SLC9A9: variants seen among roughly 807,000 people sequenced by gnomAD.
SLC9A9 encodes the protein sodium/hydrogen exchanger 9.
SLC9A9 carries 62 observed loss-of-function variants against 77.8 expected under a neutral mutation model. The ratio of observed to expected loss-of-function variants is 0.80; its 90% CI spans 0.65 to 0.98. SLC9A9 has a LOEUF of 0.98. Among genes scored for constraint, SLC9A9 ranks in the 50% least tolerant of loss-of-function variants. SLC9A9 has a pLI of 0.00. For missense variants in SLC9A9, 775 were observed against 774.9 expected, an observed-to-expected ratio of 1.00 and a Z score of 0.00; for synonymous variants, 320 against 283.5, an observed-to-expected ratio of 1.13 and a Z score of -1.29.
chr3:143,646,633 C>T (rs2038711936), intron 6 of SLC9A9, among the ~76,000 whole-genome samples: 1 of 152,052 alleles, frequency 6.6e-6, no homozygotes, highest in African/African-American at 2.4e-5. Context: ...CAACTTCTTG[C>T]TCAAATCAAT....
At chr3:143,428,620 A>T (rs774810272) in intron 12 of SLC9A9, among the ~76,000 whole-genome samples, 4 of 152,208 alleles carry the variant, frequency 2.6e-5, no homozygotes, top group Non-Finnish European at 4.4e-5. Context: ...AATGTCACAG[A>T]GACATCTGCA....
intron 4 of SLC9A9, among the ~76,000 whole-genome samples, chr3:143,751,799 T>C (rs2108825274): frequency 6.6e-6 from 1 of 152,002 alleles, no homozygotes; most frequent in Middle Eastern, 3.4e-3. Context: ...TGAAAGGAAG[T>C]GAAAGAAAGC....
At chr3:143,551,331 C>T (rs1170266936) in intron 9 of SLC9A9, among the ~76,000 whole-genome samples, 1 of 152,212 alleles carries the variant, frequency 6.6e-6, no homozygotes, top group Non-Finnish European at 1.5e-5. Flanking sequence ...TCCCCATTAC[C>T]TATAGGTTAT....
At chr3:143,401,945 AC>A (rs1482436345) in intron 12 of SLC9A9, among the ~76,000 whole-genome samples, 10 of 152,224 alleles carry the variant, frequency 6.6e-5, no homozygotes, top group African/African-American at 2.4e-4. Flanking sequence ...CTGAAATTCT[AC>A]CCTAGTGAGG....
intron 14 of SLC9A9, among the ~76,000 whole-genome samples, chr3:143,275,237 A>G (rs774222698): frequency 3.3e-5 from 5 of 152,224 alleles, no homozygotes; most frequent in Non-Finnish European, 5.9e-5. Flanking sequence ...GAAAAGTTTA[A>G]TGAACTTGTG....
intron 4 of SLC9A9, among the ~76,000 whole-genome samples, chr3:143,706,199 T>C (rs13097498): frequency 0.13 from 19,887 of 152,150 alleles, 1,432 homozygotes; most frequent in South Asian, 0.19. Flanking sequence ...AGACGAAATA[T>C]GAATAAATAA....
intron 4 of SLC9A9, among the ~76,000 whole-genome samples, chr3:143,784,117 C>CA (rs1424849538): frequency 6.6e-6 from 1 of 152,218 alleles, no homozygotes; most frequent in Non-Finnish European, 1.5e-5. Flanking sequence ...ACATTCTCTG[C>CA]ATCACTAATG....
intron 2 of SLC9A9, among the ~76,000 whole-genome samples, chr3:143,799,925 G>A (rs2008503619): frequency 6.6e-6 from 1 of 152,140 alleles, no homozygotes; most frequent in African/African-American, 2.4e-5. Context: ...CTCCATAACT[G>A]TTGTGGGTAT....
At chr3:143,366,680 A>T (rs944772001) in intron 13 of SLC9A9, among the ~76,000 whole-genome samples, 1 of 152,222 alleles carries the variant, frequency 6.6e-6, no homozygotes, top group African/African-American at 2.4e-5. Flanking sequence ...ATATATTAAC[A>T]CTTCAGATTC....
chr3:143,689,920 T>C (rs925175205), intron 5 of SLC9A9, among the ~76,000 whole-genome samples: 2 of 152,060 alleles, frequency 1.3e-5, no homozygotes, highest in African/African-American at 4.8e-5. Context: ...AAGCTAGATT[T>C]CTCTTATTTT....
intron 12 of SLC9A9, among the ~76,000 whole-genome samples, chr3:143,458,545 G>A (rs1039040390): frequency 6.6e-6 from 1 of 151,810 alleles, no homozygotes; most frequent in Non-Finnish European, 1.5e-5. Flanking sequence ...GAATTGATTT[G>A]TTTTCCATTT....
intron 14 of SLC9A9, among the ~76,000 whole-genome samples, chr3:143,290,742 T>C (rs1006267902): frequency 6.6e-6 from 1 of 152,228 alleles, no homozygotes; most frequent in Admixed American, 6.5e-5. Context: ...AAATAAGTTA[T>C]GAAAATTAAG....
At chr3:143,521,202 T>C (rs1446576721) in intron 9 of SLC9A9, among the ~76,000 whole-genome samples, 3 of 152,182 alleles carry the variant, frequency 2.0e-5, no homozygotes, top group Admixed American at 6.5e-5. Context: ...TGATTTTTGT[T>C]TTTCATATTT....
At chr3:143,656,481 G>A (rs898185561) in intron 5 of SLC9A9, among the ~76,000 whole-genome samples, 1 of 152,086 alleles carries the variant, frequency 6.6e-6, no homozygotes, top group African/African-American at 2.4e-5. Context: ...CTTTCTTGAT[G>A]CCCTTTCAGA....
At chr3:143,396,628 A>G (rs778028333) in intron 12 of SLC9A9, among the ~76,000 whole-genome samples, 7 of 152,142 alleles carry the variant, frequency 4.6e-5, no homozygotes, top group Non-Finnish European at 7.4e-5. Flanking sequence ...TTGGCACAGG[A>G]TCTAGCCCCT....
intron 8 of SLC9A9, among the ~76,000 whole-genome samples, chr3:143,568,210 T>C (rs1204204528): frequency 6.6e-6 from 1 of 152,164 alleles, no homozygotes; most frequent in Non-Finnish European, 1.5e-5. Flanking sequence ...CCAGCAGTTA[T>C]ACAGCCTCCT....
At chr3:143,385,308 C>G (rs921055704) in intron 12 of SLC9A9, among the ~76,000 whole-genome samples, 1 of 152,102 alleles carries the variant, frequency 6.6e-6, no homozygotes, top group Non-Finnish European at 1.5e-5. Context: ...ATCTATCTAT[C>G]TAATTTAAAT....
At chr3:143,357,618 G>C (rs1313665933) in intron 14 of SLC9A9, among the ~76,000 whole-genome samples, 1 of 152,036 alleles carries the variant, frequency 6.6e-6, no homozygotes, top group East Asian at 1.9e-4. Context: ...TCACCAGATG[G>C]GCCACCTGAA....
chr3:143,817,129 GTTTATTTTTTTT>G, intron 2 of SLC9A9, among the ~76,000 whole-genome samples: 1 of 142,146 alleles, frequency 7.0e-6, no homozygotes, highest in African/African-American at 2.6e-5. Context: ...TCATGCAAAA[GTTTATTTTTTTT>G]TTTATTTTTT....
Sources: allele counts gnomAD v4.1 joint callset (sites outside exome capture counted in the v4.1 genomes callset), GRCh38; gene constraint gnomAD v4.1.1; transcripts MANE v1.5; gene names NCBI Gene and HGNC (gene_info 2026-07-23, HGNC 2026-07-21).